CTNNA3: variants seen among roughly 807,000 people sequenced by gnomAD.
CTNNA3 encodes catenin alpha-3.
In CTNNA3, 76 loss-of-function variants were observed where a neutral mutation model predicts 95.7. The observed-to-expected ratio is 0.79, with a 90% CI of 0.66 to 0.96. The LOEUF is 0.96. Ranked by LOEUF, CTNNA3 falls within the 40% of genes least tolerant of loss-of-function variation. The pLI, the probability that CTNNA3 is intolerant of heterozygous loss-of-function variation, is 0.00. For synonymous variants in CTNNA3, 431 were observed against 374.4 expected, an observed-to-expected ratio of 1.15 and a Z score of -1.74; for missense variants, 1,191 against 1,089.8, an observed-to-expected ratio of 1.09 and a Z score of -1.31.
At chr10:66,872,617 C>T (rs376155489) in intron 7 of CTNNA3, among the ~76,000 whole-genome samples, 1 of 152,000 alleles carries the variant, frequency 6.6e-6, no homozygotes, top group East Asian at 1.9e-4. Context: ...TACAGTGAGC[C>T]GAGATTGTGC....
chr10:67,145,034 T>C (rs1860774067), intron 7 of CTNNA3, among the ~76,000 whole-genome samples: 1 of 152,096 alleles, frequency 6.6e-6, no homozygotes, highest in Admixed American at 6.5e-5. Flanking sequence ...AATATTGTTG[T>C]TTCACAGGGA....
chr10:67,222,518 C>T (rs187839753), intron 5 of CTNNA3, among the ~76,000 whole-genome samples: 7 of 152,130 alleles, frequency 4.6e-5, no homozygotes, highest in Non-Finnish European at 8.8e-5. Context: ...AGAAAGAATA[C>T]GGAATTGTTT....
At chr10:66,993,830 C>A (rs1375544927) in intron 7 of CTNNA3, among the ~76,000 whole-genome samples, 1 of 151,874 alleles carries the variant, frequency 6.6e-6, no homozygotes, top group Non-Finnish European at 1.5e-5. Flanking sequence ...GTTAGGTCTT[C>A]TTTTATGTCC....
intron 11 of CTNNA3, among the ~76,000 whole-genome samples, chr10:66,479,603 T>G (rs1839444565): frequency 6.6e-6 from 1 of 152,054 alleles, no homozygotes; most frequent in South Asian, 2.1e-4. Context: ...TAATTATATT[T>G]TCTTTCAAAA....
chr10:66,784,550 T>C (rs1840663644), intron 7 of CTNNA3, among the ~76,000 whole-genome samples: 1 of 152,172 alleles, frequency 6.6e-6, no homozygotes, highest in African/African-American at 2.4e-5. Flanking sequence ...TTTTCTTCCA[T>C]TGCCAGATTC....
At chr10:67,032,696 T>C (rs2133114971) in intron 7 of CTNNA3, among the ~76,000 whole-genome samples, 2 of 152,350 alleles carry the variant, frequency 1.3e-5, no homozygotes, top group South Asian at 4.1e-4. Context: ...GTTTAAGGCT[T>C]CTAGCTTCAT....
intron 5 of CTNNA3, among the ~76,000 whole-genome samples, chr10:67,420,583 C>T (rs1044817787): frequency 1.3e-5 from 2 of 152,166 alleles, no homozygotes; most frequent in Admixed American, 1.3e-4. Flanking sequence ...ATGTAACACA[C>T]TTACGGTGTT....
intron 5 of CTNNA3, among the ~76,000 whole-genome samples, chr10:67,446,922 G>A (rs1240803226): frequency 2.6e-5 from 4 of 152,110 alleles, no homozygotes; most frequent in East Asian, 1.9e-4. Flanking sequence ...TGGCTAACAC[G>A]GTGAAACCCC....
At chr10:66,436,183 T>C (rs2093336550) in intron 11 of CTNNA3, among the ~76,000 whole-genome samples, 1 of 152,216 alleles carries the variant, frequency 6.6e-6, no homozygotes, top group Non-Finnish European at 1.5e-5. Context: ...GGTAGATGTC[T>C]ATTAGGTCTG....
At chr10:67,123,347 C>T (rs1177599352) in intron 7 of CTNNA3, among the ~76,000 whole-genome samples, 1 of 152,052 alleles carries the variant, frequency 6.6e-6, no homozygotes, top group Non-Finnish European at 1.5e-5. Flanking sequence ...TTCCAATGAA[C>T]GGCCAGTTAA....
chr10:67,355,532 G>T (rs1018647970), intron 5 of CTNNA3, among the ~76,000 whole-genome samples: 3 of 151,664 alleles, frequency 2.0e-5, no homozygotes, highest in African/African-American at 7.3e-5. Flanking sequence ...TACAAATAAT[G>T]TAAGCACAAA....
chr10:66,482,951 C>A (rs1839591514), intron 11 of CTNNA3, among the ~76,000 whole-genome samples: 1 of 152,180 alleles, frequency 6.6e-6, no homozygotes, highest in African/African-American at 2.4e-5. Context: ...CCCAGGAAAG[C>A]TAAGCCCAAT....
chr10:66,714,660 G>A (rs10822901), intron 9 of CTNNA3, among the ~76,000 whole-genome samples: 36,892 of 151,986 alleles, frequency 0.24, 5,650 homozygotes, highest in East Asian at 0.56. Flanking sequence ...CATCACTCAG[G>A]AGTTGTTAGA....
At chr10:67,594,104 C>A (rs144003943) in intron 3 of CTNNA3, among the ~76,000 whole-genome samples, 2,109 of 152,216 alleles carry the variant, frequency 0.014, 23 homozygotes, top group South Asian at 0.034. Context: ...AGGGATAAGG[C>A]CTATTTGATT....
At chr10:67,567,446 G>A (rs1841845786) in intron 3 of CTNNA3, among the ~76,000 whole-genome samples, 1 of 152,014 alleles carries the variant, frequency 6.6e-6, no homozygotes, top group African/African-American at 2.4e-5. Context: ...GGGTGAGAGG[G>A]TTAGAGCGGA....
At chr10:67,649,764 T>C (rs932575762) in intron 1 of CTNNA3, among the ~76,000 whole-genome samples, 2 of 152,242 alleles carry the variant, frequency 1.3e-5, no homozygotes, top group African/African-American at 2.4e-5. Context: ...TTTGTAGATA[T>C]AGCAATACCA....
intron 10 of CTNNA3, among the ~76,000 whole-genome samples, chr10:66,579,396 C>T (rs867311776): frequency 4.0e-5 from 6 of 151,762 alleles, no homozygotes; most frequent in Non-Finnish European, 8.8e-5. Flanking sequence ...ATTATAAATG[C>T]AAACTGACGT....
intron 14 of CTNNA3, among the ~76,000 whole-genome samples, chr10:66,095,440 T>C (rs1447818024): frequency 6.6e-6 from 1 of 152,126 alleles, no homozygotes; most frequent in East Asian, 1.9e-4. Flanking sequence ...CTGTTTTTTA[T>C]AATAAGCCAA....
chr10:67,306,118 C>G (rs1311428483), intron 5 of CTNNA3, among the ~76,000 whole-genome samples: 8 of 151,932 alleles, frequency 5.3e-5, no homozygotes, highest in Non-Finnish European at 1.0e-4. Context: ...GCAAATTTCT[C>G]TTTTAAAAAA....
Sources: allele counts gnomAD v4.1 joint callset (sites outside exome capture counted in the v4.1 genomes callset), GRCh38; gene constraint gnomAD v4.1.1; transcripts MANE v1.5; gene names NCBI Gene and HGNC (gene_info 2026-07-23, HGNC 2026-07-21).